The following SUPT3H variants were observed in gnomAD, a reference collection of about 807,000 sequenced individuals.
SUPT3H encodes the protein SPT3 homolog, SAGA and STAGA complex component.
Under a neutral mutation model 44.3 loss-of-function variants are expected in SUPT3H, and 44 were observed. The ratio of observed to expected loss-of-function variants is 0.99; its 90% CI spans 0.78 to 1.28. The LOEUF (loss-of-function observed/expected upper bound fraction) is 1.28. SUPT3H is among the 50% of genes most tolerant of loss of function. The probability of loss-of-function intolerance (pLI) is 0.00; values close to 1 mark genes in which losing one functional copy is unlikely to be tolerated. For synonymous variants in SUPT3H, 124 were observed against 125.6 expected, an observed-to-expected ratio of 0.99 and a Z score of 0.09; for missense variants, 380 against 387.1, an observed-to-expected ratio of 0.98 and a Z score of 0.15.
At chr6:45,146,943 G>T (rs912236780) in intron 2 of SUPT3H, among the ~76,000 whole-genome samples, 5 of 152,038 alleles carry the variant, frequency 3.3e-5, no homozygotes, top group Non-Finnish European at 5.9e-5. Flanking sequence ...TAATAGCAGG[G>T]CATTAGTTCA....
At chr6:45,086,578 T>G (rs541888138) in intron 3 of SUPT3H, among the ~76,000 whole-genome samples, 1 of 152,112 alleles carries the variant, frequency 6.6e-6, no homozygotes, top group South Asian at 2.1e-4. Flanking sequence ...GAAGTACTTA[T>G]GTACATAACA....
chr6:45,173,519 C>T (rs6917819), intron 2 of SUPT3H, among the ~76,000 whole-genome samples: 2 of 152,200 alleles, frequency 1.3e-5, no homozygotes, highest in African/African-American at 4.8e-5. Flanking sequence ...TCAGGTTTAC[C>T]AAATTCCAGA....
rs1269479502 is a variant in SUPT3H at position 45,213,117 on chromosome 6, T to C, written c.102-107111A>G. ...AACTGTGTTTGCCACACAATTCAAT[T>C]AGCATATATCCTGAAGAGTGACATG... On this transcript the variant is annotated intron_variant, in intron 2 of 10. Coordinates refer to ENST00000371459, the MANE Select transcript of SUPT3H (RefSeq NM_003599.4). Among the ~76,000 whole-genome samples, 11 of 152,170 alleles carry C rather than the reference T, an allele frequency of 7.2e-5. No homozygotes were observed. In the East Asian group the frequency reaches 2.1e-3, roughly 29 times the overall value.
chr6:44,953,485 C>A, intron 8 of SUPT3H, 68 bp from the exon 9 acceptor site: 3 of 1,250,024 alleles, frequency 2.4e-6, no homozygotes, highest in Non-Finnish European at 3.5e-6. Flanking sequence ...AGTGGCAAAC[C>A]TAAAAGCAAT....
intron 2 of SUPT3H, among the ~76,000 whole-genome samples, chr6:45,204,516 G>A (rs995709796): frequency 2.0e-5 from 3 of 152,160 alleles, no homozygotes; most frequent in Non-Finnish European, 4.4e-5. Flanking sequence ...TGGGTTCAAG[G>A]AGGACAAGAG....
intron 2 of SUPT3H, among the ~76,000 whole-genome samples, chr6:45,296,372 C>A (rs1781224655): frequency 6.6e-6 from 1 of 151,832 alleles, no homozygotes; most frequent in Non-Finnish European, 1.5e-5. Context: ...TATGAGAATG[C>A]AAAGGCATAA....
chr6:45,220,406 T>C (rs925776262), intron 2 of SUPT3H, among the ~76,000 whole-genome samples: 1 of 151,468 alleles, frequency 6.6e-6, no homozygotes, highest in African/African-American at 2.4e-5. Flanking sequence ...TCTGACAAAA[T>C]CCAACATTAT....
At chr6:45,248,444 A>G (rs937510003) in intron 2 of SUPT3H, among the ~76,000 whole-genome samples, 1 of 152,214 alleles carries the variant, frequency 6.6e-6, no homozygotes, top group African/African-American at 2.4e-5. Flanking sequence ...GAAAATGCTG[A>G]GCAGATACTT....
At chr6:45,302,603 G>C (rs1445950895) in intron 2 of SUPT3H, among the ~76,000 whole-genome samples, 1 of 147,234 alleles carries the variant, frequency 6.8e-6, no homozygotes, top group African/African-American at 2.5e-5. Flanking sequence ...GGGCATTTGG[G>C]CTGGTTCCAT....
At chr6:45,207,119 A>G (rs1443109268) in intron 2 of SUPT3H, among the ~76,000 whole-genome samples, 1 of 152,214 alleles carries the variant, frequency 6.6e-6, no homozygotes, top group Admixed American at 6.5e-5. Context: ...AGAAGAAGAA[A>G]AGCAAACAAC....
chr6:45,348,115 C>T (rs1791264480), intron 2 of SUPT3H, among the ~76,000 whole-genome samples: 1 of 151,970 alleles, frequency 6.6e-6, no homozygotes, highest in Admixed American at 6.6e-5. Context: ...AAAAGCAGCA[C>T]CTTTCTCATT....
intron 10 of SUPT3H, among the ~76,000 whole-genome samples, chr6:44,841,197 C>A (rs1003724300): frequency 1.3e-4 from 20 of 152,080 alleles, no homozygotes; most frequent in Admixed American, 7.9e-4. Context: ...GCAAGAATGT[C>A]CTAACAGATA....
chr6:45,184,145 T>C (rs1204029742), intron 2 of SUPT3H, among the ~76,000 whole-genome samples: 1 of 152,248 alleles, frequency 6.6e-6, no homozygotes, highest in Admixed American at 6.5e-5. Context: ...ATACTTCCTT[T>C]ACATTTTTCT....
At chr6:45,284,365 G>A (rs771819933) in intron 2 of SUPT3H, among the ~76,000 whole-genome samples, 39 of 151,740 alleles carry the variant, frequency 2.6e-4, no homozygotes, top group Non-Finnish European at 5.5e-4. Flanking sequence ...TAATAAAGAA[G>A]AAGTGAGAGG....
intron 10 of SUPT3H, among the ~76,000 whole-genome samples, chr6:44,878,345 A>C (rs545087116): frequency 2.0e-4 from 31 of 152,324 alleles, no homozygotes; most frequent in Admixed American, 1.2e-3. Flanking sequence ...AATGGAACCT[A>C]AACTCTTTTA....
chr6:45,319,231 A>T (rs1322369502), intron 2 of SUPT3H, among the ~76,000 whole-genome samples: 1 of 152,106 alleles, frequency 6.6e-6, no homozygotes, highest in African/African-American at 2.4e-5. Context: ...TCTTATAATT[A>T]TGTGTCTTAT....
intron 2 of SUPT3H, among the ~76,000 whole-genome samples, chr6:45,123,145 C>G (rs1380303542): frequency 6.6e-6 from 1 of 152,102 alleles, no homozygotes; most frequent in Non-Finnish European, 1.5e-5. Context: ...ACAATATTCA[C>G]TGAACATCAA....
intron 10 of SUPT3H, among the ~76,000 whole-genome samples, chr6:44,885,551 G>A (rs1039683515): frequency 6.6e-6 from 1 of 152,186 alleles, no homozygotes; most frequent in Non-Finnish European, 1.5e-5. Flanking sequence ...CTGCAGCTAA[G>A]GGTCCTGTCT....
At chr6:45,173,719 A>G (rs944174578) in intron 2 of SUPT3H, among the ~76,000 whole-genome samples, 1 of 152,238 alleles carries the variant, frequency 6.6e-6, no homozygotes, top group African/African-American at 2.4e-5. Flanking sequence ...ATAGAGCCAG[A>G]AAAGGCCACA....
Sources: allele counts gnomAD v4.1 joint callset (sites outside exome capture counted in the v4.1 genomes callset), GRCh38; gene constraint gnomAD v4.1.1; transcripts MANE v1.5; gene names NCBI Gene and HGNC (gene_info 2026-07-23, HGNC 2026-07-21).